Variants in CACNA1C observed in about 807,000 individuals in gnomAD.
CACNA1C encodes the protein calcium voltage-gated channel subunit alpha1 C.
A neutral mutation model predicts 229.0 loss-of-function variants in CACNA1C; 30 were observed. The observed-to-expected ratio is 0.13, with a 90% confidence interval of 0.10 to 0.18. The LOEUF (loss-of-function observed/expected upper bound fraction) is 0.18. Ranked by LOEUF, CACNA1C falls within the 10% of genes least tolerant of loss-of-function variation. CACNA1C has a pLI of 1.00. For synonymous variants in CACNA1C, 1,114 were observed against 1,132.5 expected (o/e 0.98, Z 0.33); for missense variants, 1,658 against 2,845.0 (o/e 0.58, Z 9.49).
chr12:2,355,986 G>T (rs754894921), intron 3 of CACNA1C, among the ~76,000 whole-genome samples: 2 of 152,166 alleles, frequency 1.3e-5, no homozygotes, highest in African/African-American at 4.8e-5. Context: ...CTCCAGGCCC[G>T]CAACCCCCAG....
intron 3 of CACNA1C, among the ~76,000 whole-genome samples, chr12:2,272,057 C>T (rs1262014555): frequency 2.0e-5 from 3 of 152,186 alleles, no homozygotes; most frequent in African/African-American, 7.2e-5. Context: ...ACCAACGGGA[C>T]TAGTATCCCC....
At chr12:2,008,245 G>C (rs2043811917) in intron 1 of CACNA1C, among the ~76,000 whole-genome samples, 1 of 152,224 alleles carries the variant, frequency 6.6e-6, no homozygotes, top group South Asian at 2.1e-4. Flanking sequence ...AGCCTCCCAG[G>C]TAGCTGGGAC....
intron 1 of CACNA1C, among the ~76,000 whole-genome samples, chr12:2,070,297 C>A (rs1045064057): frequency 1.3e-5 from 2 of 152,146 alleles, no homozygotes; most frequent in Non-Finnish European, 2.9e-5. Context: ...AGTCTTAAAT[C>A]GGGGATGCTT....
intron 3 of CACNA1C, among the ~76,000 whole-genome samples, chr12:2,372,792 G>C (rs942963224): frequency 1.3e-5 from 2 of 152,352 alleles, no homozygotes; most frequent in East Asian, 3.9e-4. Context: ...ATCTGGCCTG[G>C]CTGGCTGGTG....
chr12:2,112,177 C>T (rs1176997134), intron 1 of CACNA1C, among the ~76,000 whole-genome samples: 2 of 152,204 alleles, frequency 1.3e-5, no homozygotes, highest in Non-Finnish European at 2.9e-5. Flanking sequence ...TCAGACACTC[C>T]TTTGTCTTCT....
intron 1 of CACNA1C, among the ~76,000 whole-genome samples, chr12:2,036,216 G>A (rs1340451957): frequency 6.6e-6 from 1 of 152,180 alleles, no homozygotes; most frequent in Non-Finnish European, 1.5e-5. Flanking sequence ...ATGCCACGTA[G>A]ACCTAGTCCA....
Position 2,583,434 on chromosome 12 carries a change from C to G in CACNA1C, c.2224+492C>G, listed in dbSNP as rs539065362. Among the ~76,000 whole-genome samples, 3 of 152,356 alleles carry G rather than the reference C, an allele frequency of 2.0e-5. No homozygotes were observed. The East Asian group carries it at 5.8e-4, about 29-fold the overall frequency. On this transcript the variant is annotated intron_variant, in intron 15 of 46. Coordinates refer to ENST00000399655, the MANE Select transcript of CACNA1C (RefSeq NM_000719.7). ...GTCACGGGCAGAGCTGCACAGACTT[C>G]AAACAGCCCCAAAAGCTCCTTCCTG...
At chr12:2,588,911 G>T (rs1056309867) in intron 18 of CACNA1C, among the ~76,000 whole-genome samples, 1 of 152,142 alleles carries the variant, frequency 6.6e-6, no homozygotes, top group African/African-American at 2.4e-5. Context: ...AGTCAGCACC[G>T]CCTGTGCTGG....
intron 3 of CACNA1C, among the ~76,000 whole-genome samples, chr12:2,423,733 G>A (rs2099001079): frequency 6.6e-6 from 1 of 152,196 alleles, no homozygotes; most frequent in Non-Finnish European, 1.5e-5. Flanking sequence ...TTACTGCGCT[G>A]TGTCTACCTT....
At chr12:2,057,148 C>G (rs553408696) in intron 1 of CACNA1C, among the ~76,000 whole-genome samples, 70 of 152,322 alleles carry the variant, frequency 4.6e-4, no homozygotes, top group Admixed American at 1.0e-3. Context: ...TAGGTCTCTT[C>G]AATTTGTTCT....
chr12:2,299,788 G>T (rs896476984), intron 3 of CACNA1C, among the ~76,000 whole-genome samples: 1 of 152,078 alleles, frequency 6.6e-6, no homozygotes, highest in Non-Finnish European at 1.5e-5. Flanking sequence ...TGGCCCTAGG[G>T]TTCACTAGAT....
intron 3 of CACNA1C, among the ~76,000 whole-genome samples, chr12:2,172,462 AATTAAT>A (rs2096524282): frequency 6.6e-6 from 1 of 152,190 alleles, no homozygotes; most frequent in African/African-American, 2.4e-5. Context: ...TAGCTCTAAA[AATTAAT>A]ATTACTAATT....
At chr12:2,501,209 C>CAAAA (rs59324696) in intron 7 of CACNA1C, among the ~76,000 whole-genome samples, 2,733 of 31,318 alleles carry the variant, frequency 0.087, 352 homozygotes, top group African/African-American at 0.14. Context: ...GACTCCACCT[C>CAAAA]AAAAAAAAAA....
intron 3 of CACNA1C, among the ~76,000 whole-genome samples, chr12:2,370,856 G>T (rs2097848389): frequency 6.6e-6 from 1 of 152,288 alleles, no homozygotes; most frequent in East Asian, 1.9e-4. Context: ...GGTTGCCTTG[G>T]TGGCAGTCTG....
intron 1 of CACNA1C, among the ~76,000 whole-genome samples, chr12:2,026,083 G>T (rs942319986): frequency 6.6e-6 from 1 of 152,226 alleles, no homozygotes; most frequent in Admixed American, 6.5e-5. Context: ...ATTCTTATTG[G>T]CCTATTCAGT....
intron 3 of CACNA1C, among the ~76,000 whole-genome samples, chr12:2,225,335 G>A (rs2062657351): frequency 1.3e-5 from 2 of 152,124 alleles, no homozygotes; most frequent in South Asian, 4.2e-4. Flanking sequence ...CAACTAAAGA[G>A]AGCAATAATT....
intron 3 of CACNA1C, among the ~76,000 whole-genome samples, chr12:2,195,308 G>A (rs760306396): frequency 3.9e-5 from 6 of 152,170 alleles, no homozygotes; most frequent in Admixed American, 2.0e-4. Context: ...GGATTCTTCC[G>A]CAGGAAATGG....
At chr12:2,526,324 T>C (rs545739267) in intron 9 of CACNA1C, among the ~76,000 whole-genome samples, 16 of 152,226 alleles carry the variant, frequency 1.1e-4, no homozygotes, top group Non-Finnish European at 1.5e-4. Flanking sequence ...TCTGTGCTGC[T>C]ATTCCAGGGC....
intron 3 of CACNA1C, among the ~76,000 whole-genome samples, chr12:2,145,399 T>C (rs1487742653): frequency 6.6e-6 from 1 of 151,264 alleles, no homozygotes; most frequent in East Asian, 1.9e-4. Flanking sequence ...TTGCTTGTGT[T>C]AGAGCTGTTT....
Sources: gnomAD v4.1 joint callset for allele counts (sites outside exome capture counted in the v4.1 genomes callset) on GRCh38, gnomAD v4.1.1 for gene constraint, MANE v1.5 for transcripts, NCBI Gene and HGNC (gene_info 2026-07-23, HGNC 2026-07-21) for gene names.